The following EPB41L4A variants were observed in gnomAD, a reference collection of about 807,000 sequenced individuals.
EPB41L4A encodes erythrocyte membrane protein band 4.1 like 4A, also known as band 4.1-like protein 4A.
Under a neutral mutation model 108.6 loss-of-function variants are expected in EPB41L4A, and 100 were observed. The observed-to-expected ratio is 0.92, with a 90% CI of 0.78 to 1.09. EPB41L4A has a LOEUF of 1.09. Ranked by LOEUF, EPB41L4A falls within the 50% of genes least tolerant of loss-of-function variation. The probability of loss-of-function intolerance (pLI) is 0.00; values close to 1 mark genes in which losing one functional copy is unlikely to be tolerated. For synonymous variants in EPB41L4A, 319 were observed against 289.0 expected (o/e 1.10, Z -1.05); for missense variants, 1,030 against 842.7 (o/e 1.22, Z -2.75).
At position 112,184,006 on chromosome 5, in the gene EPB41L4A, G is replaced by A. The variant is rs745309604; in HGVS notation, c.1622+10C>T. On this transcript the variant is annotated intron_variant, in intron 18 of 22. Coordinates refer to ENST00000261486, the MANE Select transcript of EPB41L4A (RefSeq NM_022140.5). ...GTTTTTGAATCAAGGTATAAAAAGA[G>A]TCCACATACGAACGAGATCTGTGTC... 3 of 1,613,882 alleles carry A rather than the reference G, an allele frequency of 1.9e-6. No homozygotes were observed. In the East Asian group the frequency reaches 6.7e-5, roughly 36 times the overall value.
chr5:112,223,644 C>T (rs1748239615), intron 12 of EPB41L4A, among the ~76,000 whole-genome samples: 1 of 152,154 alleles, frequency 6.6e-6, no homozygotes, highest in Non-Finnish European at 1.5e-5. Context: ...CAAACAACTG[C>T]CGAGGTAGAG....
At chr5:112,161,884 CTCTG>C (rs1028510927), downstream of EPB41L4A, 3 of 250,942 alleles carry the variant, frequency 1.2e-5, no homozygotes, top group African/African-American at 6.8e-5. Context: ...CGTAGTGTTG[CTCTG>C]TCTGTAGCTA....
chr5:112,274,212 T>G (rs1449046946), intron 4 of EPB41L4A, among the ~76,000 whole-genome samples: 6 of 152,064 alleles, frequency 3.9e-5, no homozygotes, highest in South Asian at 4.2e-4. Flanking sequence ...CCCAGGAGTT[T>G]GAGGTCACAG....
At chr5:112,412,560 A>G (rs1762472324) in intron 1 of EPB41L4A, among the ~76,000 whole-genome samples, 1 of 152,208 alleles carries the variant, frequency 6.6e-6, no homozygotes, top group Admixed American at 6.5e-5. Flanking sequence ...AAGTAAACTG[A>G]CTGGTTCCTG....
At chr5:112,236,138 C>T (rs1749315325) in intron 11 of EPB41L4A, among the ~76,000 whole-genome samples, 1 of 152,156 alleles carries the variant, frequency 6.6e-6, no homozygotes, top group Admixed American at 6.5e-5. Flanking sequence ...AGGCATTTCA[C>T]AGTCAGATTT....
At chr5:112,199,439 C>T (rs532346636) in intron 15 of EPB41L4A, among the ~76,000 whole-genome samples, 9 of 152,142 alleles carry the variant, frequency 5.9e-5, no homozygotes, top group Non-Finnish European at 1.2e-4. Flanking sequence ...TCAATTAAGC[C>T]AAATGCTGGA....
At chr5:112,161,741 T>C, downstream of EPB41L4A, 1 of 438,130 alleles carries the variant, frequency 2.3e-6, no homozygotes, top group South Asian at 1.7e-5. Flanking sequence ...TGCTGCTAGC[T>C]GAATACCATC....
At chr5:112,298,250 C>G (rs1754137028) in intron 2 of EPB41L4A, among the ~76,000 whole-genome samples, 1 of 152,026 alleles carries the variant, frequency 6.6e-6, no homozygotes, top group Non-Finnish European at 1.5e-5. Context: ...TGATTCTACC[C>G]ATCCACGAAC....
intron 1 of EPB41L4A, among the ~76,000 whole-genome samples, chr5:112,308,498 C>T (rs770108673): frequency 2.0e-5 from 3 of 152,326 alleles, no homozygotes; most frequent in Non-Finnish European, 4.4e-5. Flanking sequence ...GGTGTACACA[C>T]CAAGAACTTT....
chr5:112,406,301 TAAG>T (rs1762067005), intron 1 of EPB41L4A, among the ~76,000 whole-genome samples: 1 of 152,180 alleles, frequency 6.6e-6, no homozygotes, highest in African/African-American at 2.4e-5. Flanking sequence ...CTTCAGGCAA[TAAG>T]AAGAGTCACT....
chr5:112,327,542 C>T (rs1229245119), intron 1 of EPB41L4A, among the ~76,000 whole-genome samples: 2 of 151,972 alleles, frequency 1.3e-5, no homozygotes, highest in Admixed American at 6.6e-5. Flanking sequence ...ACTGCAAGAT[C>T]CCATCTCTAC....
At chr5:112,203,575 T>C (rs1445017434) in intron 15 of EPB41L4A, among the ~76,000 whole-genome samples, 1 of 152,142 alleles carries the variant, frequency 6.6e-6, no homozygotes, top group Non-Finnish European at 1.5e-5. Flanking sequence ...CTTTTTAAAT[T>C]AAGCATACAC....
chr5:112,309,146 G>T (rs1049352182), intron 1 of EPB41L4A, among the ~76,000 whole-genome samples: 16 of 152,010 alleles, frequency 1.1e-4, no homozygotes, highest in Non-Finnish European at 1.9e-4. Context: ...GCTTCCAAAT[G>T]GACAGACAAC....
intron 1 of EPB41L4A, among the ~76,000 whole-genome samples, chr5:112,312,762 G>A (rs913774974): frequency 6.6e-6 from 1 of 152,108 alleles, no homozygotes; most frequent in Non-Finnish European, 1.5e-5. Context: ...GTATTCCATT[G>A]TTATGCCTCC....
intron 15 of EPB41L4A, among the ~76,000 whole-genome samples, chr5:112,198,337 A>G (rs957587027): frequency 3.3e-5 from 5 of 152,106 alleles, no homozygotes; most frequent in African/African-American, 9.7e-5. Flanking sequence ...ATGGCTCCCA[A>G]TGTCATTTTG....
At chr5:112,273,816 T>C (rs1477223564) in intron 4 of EPB41L4A, among the ~76,000 whole-genome samples, 1 of 152,166 alleles carries the variant, frequency 6.6e-6, no homozygotes, top group African/African-American at 2.4e-5. Flanking sequence ...GAATTCAGTT[T>C]CCCTCTGAAA....
intron 17 of EPB41L4A, among the ~76,000 whole-genome samples, chr5:112,193,934 C>T (rs553386680): frequency 6.6e-6 from 1 of 152,280 alleles, no homozygotes; most frequent in Admixed American, 6.5e-5. Context: ...CCCTCTGACT[C>T]CCAAGGTGCT....
At position 112,300,312 on chromosome 5, in the gene EPB41L4A, C is replaced by T. The variant is rs536622746; in HGVS notation, c.204+7074G>A. Among the ~76,000 whole-genome samples the T allele has an allele frequency of 1.6e-4, 24 of 152,270 alleles. No individual in the cohort carries two copies. The South Asian group carries it at 5.0e-3, about 32-fold the overall frequency. On this transcript the variant is annotated intron_variant, in intron 2 of 22. Coordinates refer to ENST00000261486, the MANE Select transcript of EPB41L4A (RefSeq NM_022140.5). ...TCAGGATTTGTTTCAAGATTTGGAG[C>T]TCCTTTTAGCAGTTCTTATAGTGCT...
intron 12 of EPB41L4A, among the ~76,000 whole-genome samples, chr5:112,217,429 T>A (rs1455813953): frequency 2.9e-4 from 44 of 152,192 alleles, no homozygotes; most frequent in Non-Finnish European, 7.4e-5. Flanking sequence ...CTGAATACAG[T>A]AGCTCACTCC....
Sources: gnomAD v4.1 joint callset for allele counts (sites outside exome capture counted in the v4.1 genomes callset) on GRCh38, gnomAD v4.1.1 for gene constraint, MANE v1.5 for transcripts, NCBI Gene and HGNC (gene_info 2026-07-23, HGNC 2026-07-21) for gene names.